The following ASCC3 variants were observed in gnomAD, a reference collection of about 807,000 sequenced individuals.
ASCC3 encodes activating signal cointegrator 1 complex subunit 3.
In ASCC3, 158 loss-of-function variants were observed where a neutral mutation model predicts 256.3. The ratio of observed to expected loss-of-function variants is 0.62; its 90% CI spans 0.54 to 0.70. The LOEUF (loss-of-function observed/expected upper bound fraction) is 0.70, where lower values mean the gene tolerates loss of function less well. Ranked by LOEUF, ASCC3 falls within the 30% of genes least tolerant of loss-of-function variation. ASCC3 has a pLI of 0.00. For missense variants in ASCC3, 2,259 were observed against 2,626.0 expected (o/e 0.86, Z 3.05); for synonymous variants, 948 against 883.4 (o/e 1.07, Z -1.30).
chr6:100,554,102 C>T (rs777070354), intron 36 of ASCC3, among the ~76,000 whole-genome samples: 1 of 152,124 alleles, frequency 6.6e-6, no homozygotes, highest in South Asian at 2.1e-4. Flanking sequence ...CTTACATGTA[C>T]TGTGACCCTT....
At chr6:100,635,041 C>G (rs1002251129) in intron 25 of ASCC3, among the ~76,000 whole-genome samples, 2 of 151,974 alleles carry the variant, frequency 1.3e-5, no homozygotes, top group Non-Finnish European at 2.9e-5. Context: ...CCAGCAATCC[C>G]ACTTTTGGGT....
Position 100,627,982 on chromosome 6 carries a change from C to G in ASCC3, c.4381G>C (p.Glu1461Gln), listed in dbSNP as rs760051585. Residue 1461 changes from glutamate to glutamine, a missense_variant, in exon 28 of 42, where the codon GAA becomes CAA. By Grantham distance (29) the Glu-to-Gln change is conservative. This residue lies in a region of ASCC3 where 1,839 missense variants were observed against 2,206.7 expected (regional missense o/e 0.83). Coordinates refer to ENST00000369162, the MANE Select transcript of ASCC3 (RefSeq NM_006828.4). ...ATGACCTCTAGAACAGGGCCTCTTT[C>G]CTCCCCTAGAAAATAGGGAAAAATC... ...IIDEIHLLGE[E>Q]RGPVLEVIVS... 6.2e-7 allele frequency: 1 copy of G among 1,613,226 alleles called. No individual in the cohort carries two copies. Among genetic ancestry groups the G allele is most frequent in the Non-Finnish European group, 8.5e-7 (1 of 1,179,680 alleles).
intron 4 of ASCC3, among the ~76,000 whole-genome samples, chr6:100,813,835 A>G (rs943620566): frequency 6.6e-6 from 1 of 151,936 alleles, no homozygotes; most frequent in Non-Finnish European, 1.5e-5. Flanking sequence ...CAGCTTAAGG[A>G]GCTTTGGGGC....
At chr6:100,701,290 C>T (rs1462182412) in intron 13 of ASCC3, among the ~76,000 whole-genome samples, 4 of 152,144 alleles carry the variant, frequency 2.6e-5, no homozygotes, top group Non-Finnish European at 5.9e-5. Context: ...CTTTCCTGTG[C>T]TATTCTCATG....
In ASCC3 at chr6:100,655,792, C is replaced by T; in HGVS notation, c.2730G>A (p.Val910=). The change falls in exon 17 of 42, where the codon GTG becomes GTA. Residue 910 remains valine (V), a synonymous_variant. Transcript: ENST00000369162. The part of the protein sequence containing the change: ...AEIALGTVTN[V]EEAVKWISYT... The stretch of plus-strand genomic sequence containing the variant: ...AACTTATCCACTTCACTGCTTCTTC[C>T]ACATTAGTAACTGTTCCCAGAGCAA... 1.2e-6 allele frequency: 2 copies of T among 1,611,564 alleles called. No individual in the cohort carries two copies. The highest frequency in any genetic ancestry group is 1.7e-5 in the Admixed American group (1 of 59,934).
chr6:100,684,661 C>T (rs1169185080), intron 13 of ASCC3, among the ~76,000 whole-genome samples: 6 of 152,006 alleles, frequency 3.9e-5, no homozygotes, highest in Non-Finnish European at 8.8e-5. Context: ...TGCATATGTG[C>T]GTGTGTGTAT....
chr6:100,782,112 A>G (rs1782477476), intron 8 of ASCC3, among the ~76,000 whole-genome samples: 1 of 152,120 alleles, frequency 6.6e-6, no homozygotes, highest in Admixed American at 6.6e-5. Context: ...AATTCTTGGG[A>G]GACTGTATAG....
rs1303528376 is a variant in ASCC3, at chr6:100,608,105, T to A, written c.4786-1017A>T. Among the ~76,000 whole-genome samples, 868 of 128,910 alleles carry A rather than the reference T, an allele frequency of 6.7e-3. 19 individuals are homozygous for A. The highest frequency in any genetic ancestry group is 0.023 in the East Asian group (101 of 4,482). The allele number at this position is 128,910 out of a possible 152,430, so 84.6% of individuals were successfully genotyped here. On this transcript the variant is annotated intron_variant, in intron 30 of 41. Coordinates refer to ENST00000369162, the MANE Select transcript of ASCC3 (RefSeq NM_006828.4). ...GTATATATATCTATATACACATATA[T>A]ATGTATATATATCTATATATACATA...
intron 4 of ASCC3, among the ~76,000 whole-genome samples, chr6:100,822,749 C>T (rs770953813): frequency 1.3e-5 from 2 of 152,078 alleles, no homozygotes; most frequent in East Asian, 1.9e-4. Flanking sequence ...TCTCTATATA[C>T]AGCATGAACT....
At chr6:100,539,349 T>C (rs1240242042) in intron 37 of ASCC3, among the ~76,000 whole-genome samples, 1 of 152,188 alleles carries the variant, frequency 6.6e-6, no homozygotes, top group East Asian at 1.9e-4. Context: ...TTTAAACTGT[T>C]TACCTCTCTA....
At chr6:100,710,885 T>C (rs1034711530) in intron 13 of ASCC3, among the ~76,000 whole-genome samples, 4 of 152,176 alleles carry the variant, frequency 2.6e-5, no homozygotes, top group African/African-American at 9.7e-5. Context: ...AATAGTATGA[T>C]GAAGGCTATA....
intron 25 of ASCC3, among the ~76,000 whole-genome samples, chr6:100,637,487 C>T (rs1183072599): frequency 6.6e-6 from 1 of 152,086 alleles, no homozygotes; most frequent in Non-Finnish European, 1.5e-5. Flanking sequence ...CTATTCTGTA[C>T]TCCAGGGATA....
At chr6:100,578,720 A>G (rs2114740556) in intron 36 of ASCC3, among the ~76,000 whole-genome samples, 1 of 152,268 alleles carries the variant, frequency 6.6e-6, no homozygotes, top group Admixed American at 6.5e-5. Flanking sequence ...TAGCACTGCA[A>G]TAAACATATG....
At chr6:100,572,352 G>A (rs1056223375) in intron 36 of ASCC3, among the ~76,000 whole-genome samples, 16 of 152,138 alleles carry the variant, frequency 1.1e-4, no homozygotes, top group African/African-American at 3.9e-4. Context: ...CTGATTCCTT[G>A]ATTTGGGACT....
chr6:100,700,800 C>A (rs961620247), intron 13 of ASCC3, among the ~76,000 whole-genome samples: 4 of 152,216 alleles, frequency 2.6e-5, no homozygotes, highest in African/African-American at 9.6e-5. Context: ...TGTATTTATC[C>A]AATGCCTGTA....
At chr6:100,821,198 T>G (rs1269549477) in intron 4 of ASCC3, among the ~76,000 whole-genome samples, 1 of 152,152 alleles carries the variant, frequency 6.6e-6, no homozygotes, top group East Asian at 1.9e-4. Flanking sequence ...ATTTTTTTTG[T>G]GGAGACAAGA....
chr6:100,608,097 C>CACATATATATGTGTATATATCTATATAT (rs1773028628), intron 30 of ASCC3, among the ~76,000 whole-genome samples: 8 of 45,010 alleles, frequency 1.8e-4, no homozygotes, highest in African/African-American at 6.8e-4. Flanking sequence ...TATCTATATA[C>CACATATATATGTGTATATATCTATATAT]ACATATATAT....
intron 8 of ASCC3, among the ~76,000 whole-genome samples, chr6:100,786,047 G>C (rs1769060438): frequency 6.6e-6 from 1 of 152,128 alleles, no homozygotes; most frequent in Non-Finnish European, 1.5e-5. Flanking sequence ...TTGAGCAAAA[G>C]CTGAATGTTT....
chr6:100,580,086 C>T (rs543923346), intron 36 of ASCC3, among the ~76,000 whole-genome samples: 2 of 152,034 alleles, frequency 1.3e-5, no homozygotes, highest in South Asian at 4.2e-4. Context: ...CTTTTTGTTG[C>T]TATTGTGAAT....
Sources: allele counts gnomAD v4.1 joint callset (sites outside exome capture counted in the v4.1 genomes callset), GRCh38; gene constraint gnomAD v4.1.1; regional missense constraint gnomAD v4.1.1; transcripts MANE v1.5; gene names NCBI Gene and HGNC (gene_info 2026-07-23, HGNC 2026-07-21).